Variants in CHD6 observed in about 807,000 individuals in gnomAD.
The protein encoded by CHD6 is ATP-dependent chromatin remodeler CHD6.
In CHD6, 50 loss-of-function variants were observed where a neutral mutation model predicts 276.9. The ratio of observed to expected loss-of-function variants is 0.18; its 90% confidence interval spans 0.14 to 0.23. The LOEUF is 0.23. CHD6 is among the 10% of genes least tolerant of loss of function. The pLI, the probability that CHD6 is intolerant of heterozygous loss-of-function variation, is 1.00. For missense variants in CHD6, 2,564 were observed against 3,365.8 expected (o/e 0.76, Z 5.89); for synonymous variants, 1,173 against 1,229.3 (o/e 0.95, Z 0.96).
intron 17 of CHD6, among the ~76,000 whole-genome samples, chr20:41,469,898 G>A (rs2043014772): frequency 6.6e-6 from 1 of 152,204 alleles, no homozygotes; most frequent in Non-Finnish European, 1.5e-5. Context: ...GTAGTACCCA[G>A]TTTCTATCCT....
At chr20:41,570,109 C>CA (rs1248177163) in intron 1 of CHD6, among the ~76,000 whole-genome samples, 1 of 152,320 alleles carries the variant, frequency 6.6e-6, no homozygotes, top group East Asian at 1.9e-4. Context: ...GAATGAGACT[C>CA]ATATCTTCAA....
chr20:41,482,419 G>C, intron 16 of CHD6: 1 of 353,500 alleles, frequency 2.8e-6, no homozygotes, highest in Non-Finnish European at 5.6e-6. Context: ...CATACCCATA[G>C]TTTAATTTGT....
At chr20:41,453,424 A>G (rs1368913485) in intron 20 of CHD6, among the ~76,000 whole-genome samples, 1 of 152,138 alleles carries the variant, frequency 6.6e-6, no homozygotes, top group Non-Finnish European at 1.5e-5. Flanking sequence ...GGTTCTATCC[A>G]CTAACCTTTT....
chr20:41,404,476 G>A lies in CHD6; in HGVS notation c.*117C>T. 1 of 1,386,486 alleles carries A rather than the reference G, an allele frequency of 7.2e-7. No individual in the cohort carries two copies. Among genetic ancestry groups the A allele is most frequent in the Non-Finnish European group, 9.4e-7 (1 of 1,067,810 alleles). 85.9% of individuals were successfully genotyped at this position (1,386,486 alleles called of 1,614,324 possible). A position where few individuals can be genotyped will look rare whatever the true frequency, so the allele number is the denominator to read the frequency against. On this transcript the variant is annotated 3_prime_UTR_variant, in exon 37 of 37. Transcript: ENST00000373233. ...CCATAGTTCTCAGACAGGAAATCAG[G>A]TACGTAATCTTACTTATGGAAACAC...
chr20:41,550,376 T>A (rs1436065966), intron 2 of CHD6, among the ~76,000 whole-genome samples: 1 of 152,212 alleles, frequency 6.6e-6, no homozygotes. Context: ...TAGGCAGTAT[T>A]TAGTCACTGC....
At chr20:41,535,548 G>C (rs988577924) in intron 2 of CHD6, among the ~76,000 whole-genome samples, 1 of 152,174 alleles carries the variant, frequency 6.6e-6, no homozygotes. Context: ...AGACCAGCAT[G>C]ATGGAACTTG....
chr20:41,586,689 A>G (rs1160804752), intron 1 of CHD6, among the ~76,000 whole-genome samples: 2 of 152,208 alleles, frequency 1.3e-5, no homozygotes, highest in Non-Finnish European at 2.9e-5. Flanking sequence ...CCTCAAAAAC[A>G]TCAGTCAATA....
In CHD6 at chr20:41,403,195, GACA is replaced by G; in HGVS notation, c.*1395_*1397del. ...AAAAGTAAAAAATACAGTAAATTGT[GACA>G]ACAAAAAGTGAAACTGGTACTAGTA... On this transcript the variant is annotated 3_prime_UTR_variant, in exon 37 of 37. Transcript: ENST00000373233. 4 of 932,924 alleles carry G rather than the reference GACA, an allele frequency of 4.3e-6. No individual in the cohort carries two copies. The highest frequency in any genetic ancestry group is 5.3e-6 in the Non-Finnish European group (4 of 759,822). The allele number at this position is 932,924 out of a possible 1,614,324, so 57.8% of individuals were successfully genotyped here. A position where few individuals can be genotyped will look rare whatever the true frequency, so the allele number is the denominator to read the frequency against.
chr20:41,500,536 C>T (rs552081001), intron 5 of CHD6, among the ~76,000 whole-genome samples: 2 of 152,298 alleles, frequency 1.3e-5, no homozygotes, highest in African/African-American at 2.4e-5. Context: ...CACGTCCCTT[C>T]TCACCACTCA....
chr20:41,410,623 G>A (rs1245379581), intron 36 of CHD6, among the ~76,000 whole-genome samples: 1 of 152,168 alleles, frequency 6.6e-6, no homozygotes, highest in Non-Finnish European at 1.5e-5. Context: ...AAGGGCCTCC[G>A]AGGCAGGGAG....
At chr20:41,412,827 C>T (rs1442434803) in intron 35 of CHD6, among the ~76,000 whole-genome samples, 2 of 152,196 alleles carry the variant, frequency 1.3e-5, no homozygotes, top group Non-Finnish European at 2.9e-5. Context: ...AGTACGATGA[C>T]TTGAAGGGAA....
rs763957860 is a variant in CHD6 at position 41,499,259 on chromosome 20, C to T, written c.915+36G>A. The T allele has an allele frequency of 1.6e-5, 24 of 1,514,824 alleles. No individual in the cohort carries two copies. In the Middle Eastern group the frequency reaches 5.1e-4, roughly 33 times the overall value. The allele number at this position is 1,514,824 out of a possible 1,614,324, so 93.8% of individuals were successfully genotyped here. On this transcript the variant is annotated intron_variant, in intron 6 of 36. Transcript: ENST00000373233. ...CTCTTCACAGAAGATGTAATCTGTG[C>T]TAATGATATAAAAGCTAGAAACATG...
chr20:41,515,819 C>T (rs1213162362), intron 3 of CHD6, among the ~76,000 whole-genome samples: 1 of 152,188 alleles, frequency 6.6e-6, no homozygotes, highest in African/African-American at 2.4e-5. Flanking sequence ...GCAGTATGTG[C>T]TTGACTATGT....
intron 1 of CHD6, among the ~76,000 whole-genome samples, chr20:41,580,924 T>C (rs1279460673): frequency 6.6e-6 from 1 of 152,128 alleles, no homozygotes; most frequent in Admixed American, 6.5e-5. Flanking sequence ...GAGACAACAT[T>C]ATTGCTAGCA....
intron 2 of CHD6, among the ~76,000 whole-genome samples, chr20:41,539,141 G>C (rs1380444207): frequency 6.6e-6 from 1 of 152,186 alleles, no homozygotes; most frequent in Non-Finnish European, 1.5e-5. Flanking sequence ...TTGATCCATG[G>C]GTTGGTTCAT....
intron 1 of CHD6, among the ~76,000 whole-genome samples, chr20:41,594,362 T>C (rs1346679874): frequency 1.3e-5 from 2 of 152,338 alleles, no homozygotes; most frequent in East Asian, 3.9e-4. Flanking sequence ...TTTTTGGCAT[T>C]CTTACACCAA....
chr20:41,607,774 A>G (rs2045845118), intron 1 of CHD6, among the ~76,000 whole-genome samples: 2 of 151,836 alleles, frequency 1.3e-5, no homozygotes, highest in Non-Finnish European at 2.9e-5. Flanking sequence ...AGGAAAAAAA[A>G]AAAAAAAACA....
rs1274994103 is a variant in CHD6 at position 41,483,418 on chromosome 20, A to C, written c.2359T>G (p.Leu787Val). Reference sequence around the variant, plus strand: ...AGCTTAGGGAGTAGTTTATCAATCAACACAAGCTTTCCTGCTGCCTGAATC... The same window carrying C: ...AGCTTAGGGAGTAGTTTATCAATCACCACAAGCTTTCCTGCTGCCTGAATC... ...AMIQAAGKLV[L>V]IDKLLPKLIA... The change falls in exon 16 of 37, where the codon TTG becomes GTG. Residue 787 changes from leucine to valine, a missense_variant. Coordinates refer to ENST00000373233, the MANE Select transcript of CHD6 (RefSeq NM_032221.5). The C allele has an allele frequency of 1.9e-6, 3 of 1,613,840 alleles. No individual in the cohort carries two copies. Among genetic ancestry groups the C allele is most frequent in the Admixed American group, 3.3e-5 (2 of 59,964 alleles).
chr20:41,449,052 C>T (rs973968459), intron 23 of CHD6, among the ~76,000 whole-genome samples: 37 of 152,090 alleles, frequency 2.4e-4, no homozygotes, highest in African/African-American at 8.2e-4. Context: ...CAGGTGCCCA[C>T]CACCACATTC....
Sources: gnomAD v4.1 joint callset for allele counts (sites outside exome capture counted in the v4.1 genomes callset) on GRCh38, gnomAD v4.1.1 for gene constraint, MANE v1.5 for transcripts, NCBI Gene and HGNC (gene_info 2026-07-23, HGNC 2026-07-21) for gene names.